RBFOX1: variants seen among roughly 807,000 people sequenced by gnomAD.
The protein encoded by RBFOX1 is RNA binding protein fox-1 homolog 1.
Under a neutral mutation model 57.7 loss-of-function variants are expected in RBFOX1, and 8 were observed. The ratio of observed to expected loss-of-function variants is 0.14; its 90% CI spans 0.08 to 0.25. RBFOX1 has a LOEUF of 0.25. Among genes scored for constraint, RBFOX1 ranks in the 10% least tolerant of loss-of-function variants. The probability of loss-of-function intolerance (pLI) is 1.00; values close to 1 mark genes in which losing one functional copy is unlikely to be tolerated. For missense variants in RBFOX1, 611 were observed against 548.5 expected (o/e 1.11, Z -1.14); for synonymous variants, 326 against 222.4 (o/e 1.47, Z -4.15).
In RBFOX1 at chr16:6,720,827, T is replaced by G. The variant is rs181450476; in HGVS notation, c.-16+66177T>G. On this transcript the variant is annotated intron_variant, in intron 3 of 15. Coordinates refer to ENST00000550418, the MANE Select transcript of RBFOX1 (RefSeq NM_018723.4). Reference sequence around the variant, plus strand: ...TGAAGGATTAAGGATGTTGCTGAAGTGTATCCCACAAGTGAATATCAGAAC... The same window carrying G: ...TGAAGGATTAAGGATGTTGCTGAAGGGTATCCCACAAGTGAATATCAGAAC... Among the ~76,000 whole-genome samples the G allele has an allele frequency of 1.2e-4, 18 of 152,322 alleles. No homozygotes were observed. In the East Asian group the frequency reaches 3.3e-3, roughly 28 times the overall value.
chr16:5,284,062 T>A (rs1308432620), intron 1 of RBFOX1, among the ~76,000 whole-genome samples: 1 of 152,190 alleles, frequency 6.6e-6, no homozygotes, highest in African/African-American at 2.4e-5. Context: ...TGATAGTGAA[T>A]AAGTCTCGCA....
intron 4 of RBFOX1, among the ~76,000 whole-genome samples, chr16:5,986,995 G>C (rs2060298268): frequency 6.6e-6 from 1 of 152,178 alleles, no homozygotes; most frequent in Non-Finnish European, 1.5e-5. Context: ...TAGTGGCATT[G>C]TATGAACAAT....
At chr16:7,472,259 GC>G (rs947212843) in intron 4 of RBFOX1, among the ~76,000 whole-genome samples, 6 of 151,622 alleles carry the variant, frequency 4.0e-5, no homozygotes, top group Non-Finnish European at 1.5e-5. Context: ...GGTGGCTAGG[GC>G]TTTATAAAAT....
intron 4 of RBFOX1, among the ~76,000 whole-genome samples, chr16:7,290,761 A>G (rs12325606): frequency 0.44 from 67,244 of 152,078 alleles, 17,700 homozygotes; most frequent in East Asian, 0.83. Flanking sequence ...GGCGTGGAAG[A>G]TAGACAGAAA....
At chr16:5,672,375 C>T (rs1215628818) in intron 3 of RBFOX1, among the ~76,000 whole-genome samples, 1 of 152,086 alleles carries the variant, frequency 6.6e-6, no homozygotes, top group Non-Finnish European at 1.5e-5. Context: ...TAGTGCTTCC[C>T]ACCATTTCTG....
chr16:6,023,717 C>T (rs963935334), intron 1 of RBFOX1, among the ~76,000 whole-genome samples: 4 of 152,196 alleles, frequency 2.6e-5, no homozygotes, highest in African/African-American at 9.7e-5. Context: ...AAGCATCATC[C>T]ACAAATTAAT....
At chr16:5,872,540 G>A (rs2057499302) in intron 4 of RBFOX1, among the ~76,000 whole-genome samples, 1 of 151,992 alleles carries the variant, frequency 6.6e-6, no homozygotes, top group South Asian at 2.1e-4. Context: ...AGACCAGCCT[G>A]GGCAACAGAT....
chr16:6,765,573 A>C (rs1412099584), intron 3 of RBFOX1, among the ~76,000 whole-genome samples: 3 of 152,194 alleles, frequency 2.0e-5, no homozygotes, highest in Non-Finnish European at 4.4e-5. Flanking sequence ...TACAACCTCT[A>C]TGGAAAACAG....
chr16:6,991,350 G>C (rs189664188), intron 3 of RBFOX1, among the ~76,000 whole-genome samples: 1 of 152,150 alleles, frequency 6.6e-6, no homozygotes, highest in East Asian at 1.9e-4. Flanking sequence ...TAATACATCT[G>C]TATGTACAGG....
chr16:7,341,026 A>G (rs750678148), intron 4 of RBFOX1, among the ~76,000 whole-genome samples: 7 of 152,118 alleles, frequency 4.6e-5, no homozygotes, highest in Non-Finnish European at 2.9e-5. Flanking sequence ...TGAGCTTTTG[A>G]TGGTGGAGCA....
At chr16:6,254,978 G>A (rs2097651254) in intron 1 of RBFOX1, among the ~76,000 whole-genome samples, 1 of 151,312 alleles carries the variant, frequency 6.6e-6, no homozygotes, top group Non-Finnish European at 1.5e-5. Context: ...ATATGGTTTT[G>A]GCCTTTTTTC....
At chr16:5,660,870 C>T (rs2049623173) in intron 3 of RBFOX1, among the ~76,000 whole-genome samples, 1 of 152,128 alleles carries the variant, frequency 6.6e-6, no homozygotes, top group African/African-American at 2.4e-5. Context: ...GCTGGCTTTC[C>T]TATGGCCGTA....
chr16:5,934,272 C>A (rs2059125654), intron 4 of RBFOX1, among the ~76,000 whole-genome samples: 1 of 152,220 alleles, frequency 6.6e-6, no homozygotes, highest in Non-Finnish European at 1.5e-5. Context: ...CCCCAGCTTC[C>A]CTTTACTACA....
chr16:6,931,338 TCTACACACAC>T (rs2076508531), intron 3 of RBFOX1, among the ~76,000 whole-genome samples: 10 of 131,266 alleles, frequency 7.6e-5, no homozygotes, highest in East Asian at 2.0e-4. Context: ...TCTATCTATC[TCTACACACAC>T]ACACACACAC....
chr16:6,653,936 T>C (rs938729468), intron 2 of RBFOX1, among the ~76,000 whole-genome samples: 1 of 143,282 alleles, frequency 7.0e-6, no homozygotes, highest in Non-Finnish European at 1.5e-5. Context: ...AGATGATTGA[T>C]GGATAGAGGG....
chr16:5,353,466 C>T (rs189438915), intron 1 of RBFOX1, among the ~76,000 whole-genome samples: 1 of 151,868 alleles, frequency 6.6e-6, no homozygotes, highest in African/African-American at 2.4e-5. Flanking sequence ...AGGACATTGA[C>T]ATTTTTAAAC....
chr16:5,856,294 C>T lies in RBFOX1; in HGVS notation c.319-11009C>T, dbSNP rs1246555253. Among the ~76,000 whole-genome samples the T allele has an allele frequency of 6.8e-4, 54 of 79,600 alleles. 6 individuals are homozygous for T. The highest frequency in any genetic ancestry group is 2.0e-3 in the African/African-American group (45 of 22,352). 52.2% of individuals were successfully genotyped at this position (79,600 alleles called of 152,430 possible). A position where few individuals can be genotyped will look rare whatever the true frequency, so the allele number is the denominator to read the frequency against. The stretch of plus-strand genomic sequence containing the variant: ...ATATACACATATATATACACACACA[C>T]ACACACACACACACACATATATATA... On this transcript the variant is annotated intron_variant, in intron 3 of 19. Transcript: ENST00000641259.
intron 2 of RBFOX1, among the ~76,000 whole-genome samples, chr16:5,591,289 T>A: frequency 6.6e-6 from 1 of 151,588 alleles, no homozygotes; most frequent in Non-Finnish European, 1.5e-5. Flanking sequence ...TTCTCTTTTG[T>A]TACCCAGGCT....
At chr16:6,903,212 G>C (rs2068905906) in intron 3 of RBFOX1, among the ~76,000 whole-genome samples, 1 of 152,172 alleles carries the variant, frequency 6.6e-6, no homozygotes, top group African/African-American at 2.4e-5. Context: ...GGGCTAGAGA[G>C]CTCATGCAGC....
Sources: gnomAD v4.1 joint callset for allele counts (sites outside exome capture counted in the v4.1 genomes callset) on GRCh38, gnomAD v4.1.1 for gene constraint, MANE v1.5 for transcripts, NCBI Gene and HGNC (gene_info 2026-07-23, HGNC 2026-07-21) for gene names.